CREBBP: variants seen among roughly 807,000 people sequenced by gnomAD.
CREBBP encodes the protein CREB-binding protein.
Under a neutral mutation model 265.0 loss-of-function variants are expected in CREBBP, and 19 were observed. That is an observed-to-expected ratio of 0.07 (90% CI 0.05 to 0.11). CREBBP has a LOEUF of 0.11. Among genes scored for constraint, CREBBP ranks in the 10% least tolerant of loss-of-function variants. The pLI is 1.00. For synonymous variants in CREBBP, 1,457 were observed against 1,223.7 expected, an observed-to-expected ratio of 1.19 and a Z score of -3.98; for missense variants, 2,525 against 3,219.0, an observed-to-expected ratio of 0.78 and a Z score of 5.22.
intron 1 of CREBBP, among the ~76,000 whole-genome samples, chr16:3,874,769 T>C (rs1296638876): frequency 1.3e-5 from 2 of 152,204 alleles, no homozygotes; most frequent in African/African-American, 4.8e-5. Context: ...CAACAGCATC[T>C]GAGCACAAAC....
chr16:3,822,924 C>T (rs1389522629), intron 2 of CREBBP, among the ~76,000 whole-genome samples: 2 of 152,152 alleles, frequency 1.3e-5, no homozygotes, highest in Non-Finnish European at 2.9e-5. Context: ...AGAGAATACA[C>T]AGGAAGCGCC....
chr16:3,823,983 C>T (rs2054191091), intron 2 of CREBBP, among the ~76,000 whole-genome samples: 1 of 152,102 alleles, frequency 6.6e-6, no homozygotes, highest in South Asian at 2.1e-4. Context: ...CACACACACA[C>T]ACACACACAC....
intron 23 of CREBBP, among the ~76,000 whole-genome samples, chr16:3,744,198 A>G (rs1430765440): frequency 1.3e-5 from 2 of 152,220 alleles, no homozygotes; most frequent in African/African-American, 4.8e-5. Flanking sequence ...CATGCAGGCC[A>G]GGCTCCTACC....
chr16:3,853,427 G>A lies in CREBBP; in HGVS notation c.86-2418C>T, dbSNP rs560734010. ...AGATTGAGACCATCCTGGCTAACAC[G>A]GTGAAACCCTGTCTCTACTAAAAAT... is the stretch of plus-strand genomic sequence containing the variant. On this transcript the variant is annotated intron_variant, in intron 1 of 30. Coordinates refer to ENST00000262367, the MANE Select transcript of CREBBP (RefSeq NM_004380.3). Among the ~76,000 whole-genome samples, 24 of 150,910 alleles carry A rather than the reference G, an allele frequency of 1.6e-4. 1 individual carries two copies. In the South Asian group the frequency reaches 4.2e-3, roughly 27 times the overall value.
chr16:3,859,581 A>G (rs1321012357), intron 1 of CREBBP, among the ~76,000 whole-genome samples: 1 of 152,208 alleles, frequency 6.6e-6, no homozygotes. Context: ...CAGGAAGACC[A>G]AGGCATGACT....
At chr16:3,738,381 G>A (rs2052122673) in intron 26 of CREBBP, among the ~76,000 whole-genome samples, 178 bp downstream of exon 26, 1 of 148,740 alleles carries the variant, frequency 6.7e-6, no homozygotes, top group African/African-American at 2.5e-5. Context: ...GTGCCCAGGA[G>A]CCAGACCTGT....
chr16:3,815,802 A>T (rs143330976), intron 2 of CREBBP, among the ~76,000 whole-genome samples: 264 of 152,194 alleles, frequency 1.7e-3, no homozygotes, highest in African/African-American at 5.9e-3. Flanking sequence ...GTTATAAACA[A>T]TCCAATTACA....
chr16:3,806,987 T>C (rs1171641504), intron 3 of CREBBP, among the ~76,000 whole-genome samples: 2 of 152,218 alleles, frequency 1.3e-5, no homozygotes, highest in African/African-American at 4.8e-5. Flanking sequence ...AAGAGGTCCC[T>C]ATGACAATCT....
rs1313854549 is a variant in CREBBP at position 3,739,743 on chromosome 16, C to T, written c.4134-19G>A. ...CACAAACCTGAAACAAAAGCCAGAG[C>T]CGGACATTTACAAAGGCTGTTGCTG... On this transcript the variant is annotated intron_variant, in intron 24 of 30. Coordinates refer to ENST00000262367, the MANE Select transcript of CREBBP (RefSeq NM_004380.3). The T allele has an allele frequency of 1.2e-6, 2 of 1,614,222 alleles. No homozygotes were observed. The highest frequency in any genetic ancestry group is 1.7e-6 in the Non-Finnish European group (2 of 1,180,034).
chr16:3,838,972 C>T (rs1259526129), intron 2 of CREBBP, among the ~76,000 whole-genome samples: 5 of 152,204 alleles, frequency 3.3e-5, no homozygotes, highest in Non-Finnish European at 5.9e-5. Context: ...GTTCACTACT[C>T]AATATTCTCT....
intron 1 of CREBBP, among the ~76,000 whole-genome samples, chr16:3,871,965 T>C (rs994477632): frequency 6.6e-6 from 1 of 152,238 alleles, no homozygotes; most frequent in African/African-American, 2.4e-5. Context: ...GATTTAATCA[T>C]GTAGAATTAT....
intron 28 of CREBBP, among the ~76,000 whole-genome samples, chr16:3,734,176 T>A (rs1260929931): frequency 6.6e-6 from 1 of 152,008 alleles, no homozygotes; most frequent in Non-Finnish European, 1.5e-5. Flanking sequence ...TCGCGAGCCT[T>A]TCCCCATTTC....
intron 2 of CREBBP, among the ~76,000 whole-genome samples, chr16:3,830,258 C>T (rs1201225703): frequency 2.0e-5 from 3 of 151,952 alleles, no homozygotes; most frequent in Non-Finnish European, 1.5e-5. Flanking sequence ...AATAGCCAGA[C>T]GTGGTAGTGT....
chr16:3,735,265 C>G (rs535051143), intron 28 of CREBBP, among the ~76,000 whole-genome samples: 18 of 152,298 alleles, frequency 1.2e-4, no homozygotes, highest in Non-Finnish European at 1.6e-4. Context: ...TCACATCCTA[C>G]CAGGACACAG....
chr16:3,790,581 C>G (rs1003258592), intron 5 of CREBBP, among the ~76,000 whole-genome samples: 1 of 152,066 alleles, frequency 6.6e-6, no homozygotes, highest in Non-Finnish European at 1.5e-5. Flanking sequence ...AACTCCCAAC[C>G]TCAGGTGATC....
rs770870064 is a variant in CREBBP, at chr16:3,729,149, G to A, written c.5898C>T (p.Ala1966=). The change falls in exon 31 of 31, where the codon GCC becomes GCT. Residue 1966 remains alanine, a synonymous_variant. Transcript: ENST00000262367. ...CCCGGTACAGGTGCTGCTGCTGCTG[G>A]GCCTCACGCTCGATCTGCCGAGCCG... ...VEAARQIERE[A]QQQQHLYRVN... The A allele has an allele frequency of 6.4e-7, 1 of 1,557,434 alleles. No individual in the cohort carries two copies. The highest frequency in any genetic ancestry group is 8.6e-7 in the Non-Finnish European group (1 of 1,158,832).
chr16:3,787,705 G>C (rs1265904904), intron 5 of CREBBP, among the ~76,000 whole-genome samples: 2 of 152,040 alleles, frequency 1.3e-5, no homozygotes, highest in East Asian at 3.9e-4. Flanking sequence ...TGTCGCCCAG[G>C]CTGGAGTGCA....
At chr16:3,789,576 G>C (rs1409345008) in intron 5 of CREBBP, among the ~76,000 whole-genome samples, 2 of 152,178 alleles carry the variant, frequency 1.3e-5, no homozygotes, top group Non-Finnish European at 2.9e-5. Flanking sequence ...CGTAGGGTCA[G>C]ATTCACATTT....
rs144824749 is a variant in CREBBP, at chr16:3,811,529, C to T, written c.799-750G>A. ...TAATAGAGACAGCATCTTGCTCTGT[C>T]GCCTAGGCTGGAGTGCAGTGGAGCT... On this transcript the variant is annotated intron_variant, in intron 2 of 30. Transcript: ENST00000262367. Among the ~76,000 whole-genome samples the T allele has an allele frequency of 1.0e-3, 155 of 152,340 alleles. 1 individual carries two copies. The highest frequency in any genetic ancestry group is 2.0e-3 in the Non-Finnish European group (135 of 68,026).
Sources: allele counts gnomAD v4.1 joint callset (sites outside exome capture counted in the v4.1 genomes callset), GRCh38; gene constraint gnomAD v4.1.1; transcripts MANE v1.5; gene names NCBI Gene and HGNC (gene_info 2026-07-23, HGNC 2026-07-21).